The following SRC variants were observed in gnomAD, a reference collection of about 807,000 sequenced individuals.
SRC encodes proto-oncogene tyrosine-protein kinase Src.
Under a neutral mutation model 62.9 loss-of-function variants are expected in SRC, and 13 were observed. That is an observed-to-expected ratio of 0.21 (90% CI 0.13 to 0.33). The LOEUF (loss-of-function observed/expected upper bound fraction) is 0.33, where lower values mean the gene tolerates loss of function less well. SRC is among the 10% of genes least tolerant of loss of function. The pLI is 1.00. For missense variants in SRC, 457 were observed against 737.3 expected (o/e 0.62, Z 4.40); for synonymous variants, 302 against 317.5 (o/e 0.95, Z 0.52).
At position 37,402,992 on chromosome 20, in the gene SRC, T is replaced by C. The variant is rs1403760479; in HGVS notation, c.1402+112T>C. ...TTTCCCCACCCGTAAAACAAAGAAG[T>C]TGAGCGTCTGATGTTAGGCTCTCTC... is the stretch of plus-strand genomic sequence containing the variant. On this transcript the variant is annotated intron_variant, in intron 13 of 13. Transcript: ENST00000373578. The surrounding 1 kb of genome is among the most constrained non-coding windows in gnomAD (Gnocchi z 6.2). 6.9e-7 allele frequency: 1 copy of C among 1,439,364 alleles called. No individual in the cohort carries two copies. Among genetic ancestry groups the C allele is most frequent in the African/African-American group, 1.4e-5 (1 of 69,922 alleles). The allele number at this position is 1,439,364 out of a possible 1,614,324, so 89.2% of individuals were successfully genotyped here.
rs1475790203 is a variant in SRC at position 37,405,899 on chromosome 20, A to T, written c.*2520A>T. The T allele has an allele frequency of 1.3e-5, 2 of 152,290 alleles. No homozygotes were observed. Among genetic ancestry groups the T allele is most frequent in the East Asian group, 3.8e-4 (2 of 5,198 alleles). 9.4% of individuals were successfully genotyped at this position (152,290 alleles called of 1,614,324 possible). A position where few individuals can be genotyped will look rare whatever the true frequency, so the allele number is the denominator to read the frequency against. On this transcript the variant is annotated 3_prime_UTR_variant, in exon 14 of 14. Transcript: ENST00000373578. ...CCCTTCCCCTCCTCCCTCCTTCCCC[A>T]CCACCGAAGCACACAGTCTTGAAGG...
intron 1 of SRC, among the ~76,000 whole-genome samples, chr20:37,353,127 A>C (rs987445139): frequency 2.0e-5 from 3 of 152,166 alleles, no homozygotes; most frequent in African/African-American, 7.2e-5. Flanking sequence ...AACTTTCCGC[A>C]GTTACCTCTG....
chr20:37,376,565 A>G (rs974187416), intron 2 of SRC, among the ~76,000 whole-genome samples: 1 of 152,192 alleles, frequency 6.6e-6, no homozygotes, highest in Admixed American at 6.5e-5. Context: ...GTGCAATGGC[A>G]CAATGTCTGC....
rs2069805315 is a variant in SRC, at chr20:37,351,778, C to A, written c.-247+5523C>A. On this transcript the variant is annotated intron_variant, in intron 1 of 13. Coordinates refer to ENST00000373578, the MANE Select transcript of SRC (RefSeq NM_198291.3). The surrounding 1 kb of genome is among the most constrained non-coding windows in gnomAD (Gnocchi z 4.4). ...TATTCCTGTTACACAGAAGAGGAGACTGAAGCTCAGAGAGGCTAAGAGCTG... is the reference window on the plus strand; with the variant it reads ...TATTCCTGTTACACAGAAGAGGAGAATGAAGCTCAGAGAGGCTAAGAGCTG... Among the ~76,000 whole-genome samples the A allele has an allele frequency of 6.6e-6, 1 of 152,228 alleles. No individual in the cohort carries two copies. The highest frequency in any genetic ancestry group is 2.1e-4 in the South Asian group (1 of 4,830).
chr20:37,355,314 G>T (rs572297865), intron 1 of SRC, among the ~76,000 whole-genome samples: 2 of 151,276 alleles, frequency 1.3e-5, no homozygotes, highest in Admixed American at 6.6e-5. Context: ...CAATACTGCT[G>T]TTCCCGTTTC....
chr20:37,370,222 C>A (rs6018088), intron 2 of SRC, among the ~76,000 whole-genome samples: 32,191 of 152,194 alleles, frequency 0.21, 4,821 homozygotes, highest in African/African-American at 0.43. Context: ...GAATTATTAC[C>A]TGGTTCTTGA....
In SRC at chr20:37,353,308, C is replaced by T. The variant is rs180801471; in HGVS notation, c.-247+7053C>T. ...GAGCCCGTCTCCTCAGTCTGGGACC[C>T]CTCTCCCAGAGCTCTGTGAATAGCA... On this transcript the variant is annotated intron_variant, in intron 1 of 13. Coordinates refer to ENST00000373578, the MANE Select transcript of SRC (RefSeq NM_198291.3). Among the ~76,000 whole-genome samples, 8 of 152,186 alleles carry T rather than the reference C, an allele frequency of 5.3e-5. No homozygotes were observed. The East Asian group carries it at 1.2e-3, about 22-fold the overall frequency.
intron 2 of SRC, 60 bp from the exon 3 acceptor site, chr20:37,382,559 C>T (rs2070381418): frequency 1.3e-5 from 2 of 152,236 alleles, no homozygotes; most frequent in South Asian, 4.1e-4. Flanking sequence ...ATTATGATTT[C>T]TCTTTCTAAT....
rs140204627 is a variant in SRC, at chr20:37,394,252, C to T, written c.528C>T (p.Leu176=). Residue 176 remains leucine (L), a synonymous_variant, in exon 7 of 14, where the codon CTC becomes CTT. Coordinates refer to ENST00000373578, the MANE Select transcript of SRC (RefSeq NM_198291.3). ...LNAENPRGTF[L]VRESETTKGA... The stretch of plus-strand genomic sequence containing the variant: ...CAGAGAACCCGAGAGGGACCTTCCT[C>T]GTGCGAGAAAGTGAGACCACGAAAG... 1.3e-5 allele frequency: 21 copies of T among 1,613,916 alleles called. No homozygotes were observed. In the African/African-American group the frequency reaches 2.0e-4, roughly 15 times the overall value.
chr20:37,348,591 C>T (rs969815812), intron 1 of SRC, among the ~76,000 whole-genome samples: 8 of 152,122 alleles, frequency 5.3e-5, no homozygotes, highest in African/African-American at 1.9e-4. Flanking sequence ...CAAGAGTTCA[C>T]TTGGCAAAGA....
chr20:37,359,823 A>G (rs2069939463), intron 1 of SRC, among the ~76,000 whole-genome samples: 1 of 151,876 alleles, frequency 6.6e-6, no homozygotes, highest in African/African-American at 2.4e-5. Flanking sequence ...TGGACCAGTG[A>G]GGTGGCTGCT....
Position 37,403,707 on chromosome 20 carries a change from T to G in SRC, c.*328T>G. 1 of 385,056 alleles carries G rather than the reference T, an allele frequency of 2.6e-6. No individual in the cohort carries two copies. 23.9% of individuals were successfully genotyped at this position (385,056 alleles called of 1,614,324 possible). On this transcript the variant is annotated 3_prime_UTR_variant, in exon 14 of 14. Coordinates refer to ENST00000373578, the MANE Select transcript of SRC (RefSeq NM_198291.3). This position sits in a 1 kb window ranked among gnomAD's most constrained non-coding sequence, Gnocchi z 7.1. The stretch of plus-strand genomic sequence containing the variant: ...GCTGGGGCCGGGGCTGAGGGTGCCC[T>G]TTTCCAGCCTCAGCCTACTCCGCTC...
chr20:37,352,848 T>C (rs987757309), intron 1 of SRC, among the ~76,000 whole-genome samples: 1 of 152,230 alleles, frequency 6.6e-6, no homozygotes, highest in Non-Finnish European at 1.5e-5. Context: ...TCCCACTGCC[T>C]GGTGTGCCCT....
intron 2 of SRC, among the ~76,000 whole-genome samples, chr20:37,367,097 T>G (rs1419282531): frequency 1.8e-5 from 2 of 110,642 alleles, no homozygotes; most frequent in Non-Finnish European, 3.3e-5. Flanking sequence ...TGGTTTTGAT[T>G]TTTTTTTTTT....
At chr20:37,386,710 A>C in intron 5 of SRC, among the ~76,000 whole-genome samples, 1 of 151,414 alleles carries the variant, frequency 6.6e-6, no homozygotes, top group African/African-American at 2.4e-5. Flanking sequence ...CTCCCCATCC[A>C]CCTTCCTACT....
chr20:37,376,198 G>A (rs1251718338), intron 2 of SRC, among the ~76,000 whole-genome samples: 1 of 152,204 alleles, frequency 6.6e-6, no homozygotes, highest in African/African-American at 2.4e-5. Context: ...ACACCCCTCA[G>A]GACCATGCAC....
chr20:37,376,222 TGTA>T (rs1279678196), intron 2 of SRC, among the ~76,000 whole-genome samples: 1 of 152,210 alleles, frequency 6.6e-6, no homozygotes, highest in Non-Finnish European at 1.5e-5. Context: ...GCATGGCACA[TGTA>T]GTAGGCATTT....
In SRC at chr20:37,397,911, C is replaced by T; in HGVS notation, c.859+57C>T. ...ATCCACCCCCCACCCCGTGTGGCAG[C>T]TCCGGGCTCCCTTGGTCCCTTTGCC... On this transcript the variant is annotated intron_variant, in intron 9 of 13. Coordinates refer to ENST00000373578, the MANE Select transcript of SRC (RefSeq NM_198291.3). This position sits in a 1 kb window ranked among gnomAD's most constrained non-coding sequence, Gnocchi z 4.1. The T allele has an allele frequency of 1.3e-6, 2 of 1,544,752 alleles. No individual in the cohort carries two copies. The highest frequency in any genetic ancestry group is 8.7e-7 in the Non-Finnish European group (1 of 1,148,052).
chr20:37,387,583 C>T (rs1601001919), intron 5 of SRC, among the ~76,000 whole-genome samples: 1 of 152,214 alleles, frequency 6.6e-6, no homozygotes, highest in Non-Finnish European at 1.5e-5. Flanking sequence ...CTCCCGGCTC[C>T]GCCTCCCCCC....
Sources: allele counts gnomAD v4.1 joint callset (sites outside exome capture counted in the v4.1 genomes callset), GRCh38; gene constraint gnomAD v4.1.1; non-coding constraint Gnocchi (gnomAD v3.1); transcripts MANE v1.5; gene names NCBI Gene and HGNC (gene_info 2026-07-23, HGNC 2026-07-21).